The following RERE variants were observed in gnomAD, a reference collection of about 807,000 sequenced individuals.
The protein encoded by RERE is arginine-glutamic acid dipeptide repeats, also known as arginine-glutamic acid dipeptide repeats protein.
Under a neutral mutation model 146.1 loss-of-function variants are expected in RERE, and 40 were observed. The ratio of observed to expected loss-of-function variants is 0.27; its 90% CI spans 0.21 to 0.36. The LOEUF (loss-of-function observed/expected upper bound fraction) is 0.36, where lower values mean the gene tolerates loss of function less well. Ranked by LOEUF, RERE falls within the 10% of genes least tolerant of loss-of-function variation. RERE has a pLI of 1.00. For synonymous variants in RERE, 1,003 were observed against 866.0 expected (o/e 1.16, Z -2.78); for missense variants, 1,933 against 2,138.7 (o/e 0.90, Z 1.90).
chr1:8,516,248 A>AAAAAAAAAAAAAAAAAAC (rs1243387881), intron 7 of RERE, among the ~76,000 whole-genome samples: 1 of 150,578 alleles, frequency 6.6e-6, no homozygotes, highest in African/African-American at 2.4e-5. Context: ...AAAAAAAAAA[A>AAAAAAAAAAAAAAAAAAC]ATCTAGGTGT....
intron 3 of RERE, among the ~76,000 whole-genome samples, chr1:8,622,182 G>A (rs1357693905): frequency 6.6e-6 from 1 of 152,128 alleles, no homozygotes; most frequent in African/African-American, 2.4e-5. Context: ...AGGAACCTCT[G>A]CCCAGAACAG....
rs1305211391 is a variant in RERE, at chr1:8,355,580, G to C, written c.4506C>G (p.Asp1502Glu). 1 of 1,588,742 alleles carries C rather than the reference G, an allele frequency of 6.3e-7. No homozygotes were observed. Among genetic ancestry groups the C allele is most frequent in the South Asian group, 1.1e-5 (1 of 88,708 alleles). Residue 1502 changes from aspartate (D) to glutamate (E), a missense_variant, in exon 22 of 23, where the codon GAC becomes GAG. Physicochemically the swap from Asp to Glu is conservative, Grantham distance 45. Around this residue, in one of 11 missense-constraint regions of RERE, gnomAD observed 133 missense variants for 168.6 expected, o/e 0.79. Transcript: ENST00000400908. ...HPVFGTPYPRDLPGAIPPPMS... is the reference protein window; with the variant it reads ...HPVFGTPYPRELPGAIPPPMS... ...TGGGGGGTGGGATGGCCCCAGGCAGGTCACGGGGGTAGGGGGTGCCTGCCG... is the reference window on the plus strand; with the variant it reads ...TGGGGGGTGGGATGGCCCCAGGCAGCTCACGGGGGTAGGGGGTGCCTGCCG...
chr1:8,501,030 G>T (rs1292100370), intron 8 of RERE, among the ~76,000 whole-genome samples: 2 of 70,412 alleles, frequency 2.8e-5, no homozygotes, highest in Admixed American at 1.2e-4. Context: ...CCCCGTCCGG[G>T]AGGGGGGGGG....
intron 12 of RERE, among the ~76,000 whole-genome samples, chr1:8,368,607 A>T (rs2124383679): frequency 6.6e-6 from 1 of 152,310 alleles, no homozygotes; most frequent in Non-Finnish European, 1.5e-5. Flanking sequence ...CATGCCTTCA[A>T]GTCTTACCTG....
chr1:8,457,729 T>C (rs1207433722), intron 11 of RERE, among the ~76,000 whole-genome samples: 1 of 152,130 alleles, frequency 6.6e-6, no homozygotes, highest in African/African-American at 2.4e-5. Flanking sequence ...GCCTTCCATG[T>C]AGCTGAGATT....
rs1437333106 is a variant in RERE, at chr1:8,423,770, C to CGGG, written c.1204-966_1204-964dup. The CGGG allele has an allele frequency of 1.2e-6, 1 of 834,820 alleles. No homozygotes were observed. Among genetic ancestry groups the CGGG allele is most frequent in the Non-Finnish European group, 1.4e-6 (1 of 695,916 alleles). 51.7% of individuals were successfully genotyped at this position (834,820 alleles called of 1,614,324 possible). A position where few individuals can be genotyped will look rare whatever the true frequency, so the allele number is the denominator to read the frequency against. Reference sequence around the variant, plus strand: ...GGCGCGGGGCTGGGGCCGCCGCTGACGGGGGAGGAGGCAGGAGCGCGGCGC... The same window carrying CGGG: ...GGCGCGGGGCTGGGGCCGCCGCTGACGGGGGGGGAGGAGGCAGGAGCGCGGCGC... On this transcript the variant is annotated intron_variant, in intron 11 of 22. Transcript: ENST00000400908. This position sits in a 1 kb window ranked among gnomAD's most constrained non-coding sequence, Gnocchi z 5.4.
intron 1 of RERE, among the ~76,000 whole-genome samples, chr1:8,710,242 T>G (rs1038283747): frequency 6.6e-6 from 1 of 152,216 alleles, no homozygotes; most frequent in African/African-American, 2.4e-5. Context: ...CAAATCAAAA[T>G]GTTCTTCCCC....
intron 4 of RERE, among the ~76,000 whole-genome samples, chr1:8,582,893 A>G (rs1646385288): frequency 6.6e-6 from 1 of 152,222 alleles, no homozygotes; most frequent in African/African-American, 2.4e-5. Flanking sequence ...TCTCTTTTAC[A>G]TAGATCTGAG....
At chr1:8,809,639 T>A (rs1305413108) in intron 1 of RERE, among the ~76,000 whole-genome samples, 1 of 152,216 alleles carries the variant, frequency 6.6e-6, no homozygotes. Flanking sequence ...TAACTGGCAT[T>A]TTTTTCATTC....
At chr1:8,581,596 T>C (rs1043402561) in intron 4 of RERE, among the ~76,000 whole-genome samples, 1 of 152,234 alleles carries the variant, frequency 6.6e-6, no homozygotes, top group Non-Finnish European at 1.5e-5. Flanking sequence ...TTTAGATCAA[T>C]GATCCATCTC....
intron 1 of RERE, among the ~76,000 whole-genome samples, chr1:8,789,256 G>A (rs1403559802): frequency 1.8e-5 from 2 of 112,484 alleles, no homozygotes; most frequent in Non-Finnish European, 3.5e-5. Context: ...ACCAGCCTGG[G>A]CAACACAGCA....
At chr1:8,605,745 C>CCAAA (rs1461196508) in intron 4 of RERE, among the ~76,000 whole-genome samples, 2 of 64,518 alleles carry the variant, frequency 3.1e-5, no homozygotes, top group African/African-American at 1.2e-4. Context: ...ACCCCATCTC[C>CCAAA]AAAAAAAAAA....
chr1:8,660,102 T>C (rs1638420546), intron 1 of RERE, among the ~76,000 whole-genome samples: 1 of 152,080 alleles, frequency 6.6e-6, no homozygotes, highest in East Asian at 1.9e-4. Flanking sequence ...TATATATTAA[T>C]GACATATTTA....
intron 2 of RERE, among the ~76,000 whole-genome samples, chr1:8,638,539 G>C (rs1346724783): frequency 2.6e-5 from 4 of 152,154 alleles, no homozygotes; most frequent in Non-Finnish European, 4.4e-5. Context: ...GAACAGTTCA[G>C]ATTTACAAGT....
At chr1:8,682,695 G>A (rs1354392724) in intron 1 of RERE, among the ~76,000 whole-genome samples, 1 of 152,122 alleles carries the variant, frequency 6.6e-6, no homozygotes, top group Non-Finnish European at 1.5e-5. Context: ...ACCTAGAAAT[G>A]TGAAGCATGT....
At chr1:8,485,547 T>C (rs1225490656) in intron 10 of RERE, among the ~76,000 whole-genome samples, 1 of 151,716 alleles carries the variant, frequency 6.6e-6, no homozygotes, top group Non-Finnish European at 1.5e-5. Context: ...AGTAAGAAGT[T>C]GTAAAGAGAT....
intron 1 of RERE, among the ~76,000 whole-genome samples, chr1:8,800,760 T>C (rs1475398003): frequency 6.7e-6 from 1 of 149,380 alleles, no homozygotes; most frequent in African/African-American, 2.5e-5. Flanking sequence ...AGGTCAGGAG[T>C]TTGAGACCAG....
At chr1:8,778,532 T>G (rs1419485441) in intron 1 of RERE, among the ~76,000 whole-genome samples, 1 of 152,240 alleles carries the variant, frequency 6.6e-6, no homozygotes, top group Non-Finnish European at 1.5e-5. Flanking sequence ...GGAAAGCTCA[T>G]TCTGATGTTC....
At chr1:8,410,835 C>T (rs991151022) in intron 12 of RERE, among the ~76,000 whole-genome samples, 3 of 152,108 alleles carry the variant, frequency 2.0e-5, no homozygotes, top group African/African-American at 4.8e-5. Flanking sequence ...CAGTATGCAC[C>T]GTGGCAGCCA....
Sources: allele counts gnomAD v4.1 joint callset (sites outside exome capture counted in the v4.1 genomes callset), GRCh38; gene constraint gnomAD v4.1.1; regional missense constraint gnomAD v4.1.1; non-coding constraint Gnocchi (gnomAD v3.1); transcripts MANE v1.5; gene names NCBI Gene and HGNC (gene_info 2026-07-23, HGNC 2026-07-21).